The following KSR2 variants were observed in gnomAD, a reference collection of about 807,000 sequenced individuals.
The protein encoded by KSR2 is kinase suppressor of ras 2.
In KSR2, 25 loss-of-function variants were observed where a neutral mutation model predicts 107.8. The observed-to-expected ratio is 0.23, with a 90% CI of 0.17 to 0.32. The LOEUF is 0.32. KSR2 is among the 10% of genes least tolerant of loss of function. The pLI, the probability that KSR2 is intolerant of heterozygous loss-of-function variation, is 1.00. For missense variants in KSR2, 887 were observed against 1,268.9 expected, an observed-to-expected ratio of 0.70 and a Z score of 4.57; for synonymous variants, 480 against 507.0, an observed-to-expected ratio of 0.95 and a Z score of 0.71.
chr12:117,585,779 C>T (rs1444498473), intron 5 of KSR2, among the ~76,000 whole-genome samples: 1 of 152,220 alleles, frequency 6.6e-6, no homozygotes, highest in East Asian at 1.9e-4. Flanking sequence ...TGAACAAAAG[C>T]TTCTTTTCTA....
rs554455239 is a variant in KSR2 at position 117,764,727 on chromosome 12, TG to T, written c.473-3204del. On this transcript the variant is annotated intron_variant, in intron 3 of 19. Coordinates refer to ENST00000339824, the MANE Select transcript of KSR2 (RefSeq NM_173598.6). ...GAGTCAACGCTGGAGTCGGATGACT[TG>T]GGCTCCAAATCTGACTCCCCACCAC... Among the ~76,000 whole-genome samples, 8 of 152,290 alleles carry T rather than the reference TG, an allele frequency of 5.3e-5. No homozygotes were observed. In the South Asian group the frequency reaches 1.5e-3, roughly 28 times the overall value.
chr12:117,960,430 C>T (rs997973384), intron 1 of KSR2, among the ~76,000 whole-genome samples: 1 of 152,180 alleles, frequency 6.6e-6, no homozygotes, highest in Non-Finnish European at 1.5e-5. Context: ...AGGGCTTGCA[C>T]ACTGGCGCCT....
chr12:117,877,973 G>T (rs956566486), intron 1 of KSR2, among the ~76,000 whole-genome samples: 30 of 152,146 alleles, frequency 2.0e-4, no homozygotes, highest in African/African-American at 7.2e-4. Context: ...TGAGAGATGG[G>T]TTCTTTATTT....
At chr12:117,677,547 G>A (rs1340069595) in intron 4 of KSR2, among the ~76,000 whole-genome samples, 4 of 152,186 alleles carry the variant, frequency 2.6e-5, no homozygotes, top group Non-Finnish European at 5.9e-5. Context: ...TAAGCCCCTC[G>A]ATCTGTGATA....
At position 117,968,629 on chromosome 12, in the gene KSR2, G is replaced by T. The variant is rs1178236894; in HGVS notation, c.-374C>A. On this transcript the variant is annotated 5_prime_UTR_variant, in exon 1 of 20. Transcript: ENST00000339824. ...AGAGGAGAAGGAGGAGAGAGAGGAG[G>T]AGGGAGAGGAGGAGGAGGGAGAGGA... is the stretch of plus-strand genomic sequence containing the variant. 3.5e-6 allele frequency: 1 copy of T among 284,384 alleles called. No homozygotes were observed. Among genetic ancestry groups the T allele is most frequent in the South Asian group, 1.3e-4 (1 of 7,492 alleles). 17.6% of individuals were successfully genotyped at this position (284,384 alleles called of 1,614,324 possible). A position where few individuals can be genotyped will look rare whatever the true frequency, so the allele number is the denominator to read the frequency against.
In KSR2 at chr12:117,912,432, G is replaced by A. The variant is rs1405994957; in HGVS notation, c.181-52001C>T. 3.9e-5 allele frequency among the ~76,000 whole-genome samples: 6 copies of A among 152,318 alleles called. No homozygotes were observed. The South Asian group carries it at 1.2e-3, about 32-fold the overall frequency. Reference sequence around the variant, plus strand: ...TAAGACCATTTGGAACTATAGAAAAGTACAGCAGACCTTTGCCAGTAAAGA... The same window carrying A: ...TAAGACCATTTGGAACTATAGAAAAATACAGCAGACCTTTGCCAGTAAAGA... On this transcript the variant is annotated intron_variant, in intron 1 of 19. Coordinates refer to ENST00000339824, the MANE Select transcript of KSR2 (RefSeq NM_173598.6).
intron 5 of KSR2, among the ~76,000 whole-genome samples, chr12:117,593,727 C>G (rs1880462856): frequency 2.0e-5 from 3 of 152,236 alleles, no homozygotes; most frequent in Admixed American, 2.0e-4. Context: ...AAGCAGGTAC[C>G]TGGCAATAGT....
At chr12:117,938,297 G>T (rs533479269) in intron 1 of KSR2, among the ~76,000 whole-genome samples, 3 of 151,988 alleles carry the variant, frequency 2.0e-5, no homozygotes, top group Admixed American at 1.3e-4. Flanking sequence ...TGCATTTAAC[G>T]TAAAGTGGAA....
In KSR2 at chr12:117,880,937, T is replaced by C. The variant is rs866556135; in HGVS notation, c.181-20506A>G. 2.6e-4 allele frequency among the ~76,000 whole-genome samples: 39 copies of C among 151,682 alleles called. No homozygotes were observed. In the Middle Eastern group the frequency reaches 0.01, roughly 40 times the overall value. Reference sequence around the variant, plus strand: ...TGCCTGCCTCGGCCTCCCAAAGTGCTGGGATTACAGGCGTGAGCCACCATG... The same window carrying C: ...TGCCTGCCTCGGCCTCCCAAAGTGCCGGGATTACAGGCGTGAGCCACCATG... On this transcript the variant is annotated intron_variant, in intron 1 of 19. Coordinates refer to ENST00000339824, the MANE Select transcript of KSR2 (RefSeq NM_173598.6).
chr12:117,587,575 T>C (rs1210511883), intron 5 of KSR2, among the ~76,000 whole-genome samples: 1 of 152,194 alleles, frequency 6.6e-6, no homozygotes, highest in Non-Finnish European at 1.5e-5. Flanking sequence ...CTGTGTTGTT[T>C]TCAGCCGCTG....
intron 1 of KSR2, among the ~76,000 whole-genome samples, chr12:117,864,730 A>G (rs573575226): frequency 1.3e-5 from 2 of 152,358 alleles, no homozygotes; most frequent in Non-Finnish European, 1.5e-5. Context: ...CCAAACTTCA[A>G]TCTTCACATA....
At chr12:117,904,099 A>C (rs1355999242) in intron 1 of KSR2, among the ~76,000 whole-genome samples, 1 of 152,204 alleles carries the variant, frequency 6.6e-6, no homozygotes, top group Non-Finnish European at 1.5e-5. Flanking sequence ...AGTTTAAAAA[A>C]TGATTCACAC....
chr12:117,662,626 A>G (rs1419722737), intron 5 of KSR2, among the ~76,000 whole-genome samples: 1 of 152,202 alleles, frequency 6.6e-6, no homozygotes, highest in African/African-American at 2.4e-5. Flanking sequence ...AATATTCCAT[A>G]AGACCCAGGC....
intron 5 of KSR2, among the ~76,000 whole-genome samples, chr12:117,585,593 T>C (rs898182352): frequency 6.6e-6 from 1 of 152,188 alleles, no homozygotes; most frequent in Non-Finnish European, 1.5e-5. Flanking sequence ...TGGATTTTAT[T>C]AAACTTGCCA....
chr12:117,609,734 G>T (rs1881487608), intron 5 of KSR2, among the ~76,000 whole-genome samples: 1 of 152,170 alleles, frequency 6.6e-6, no homozygotes, highest in Non-Finnish European at 1.5e-5. Context: ...AGCGATGTTT[G>T]GGGCTGGATG....
chr12:117,849,625 T>C (rs1479407570), intron 3 of KSR2, among the ~76,000 whole-genome samples: 1 of 152,106 alleles, frequency 6.6e-6, no homozygotes, highest in African/African-American at 2.4e-5. Context: ...AATAAAGATA[T>C]CCCTAAAACC....
intron 1 of KSR2, among the ~76,000 whole-genome samples, chr12:117,964,168 T>C (rs1481250797): frequency 1.3e-5 from 2 of 151,974 alleles, no homozygotes; most frequent in South Asian, 2.1e-4. Context: ...ATCCCAGCTA[T>C]TTGGGAGGCT....
At chr12:117,638,741 A>G (rs1250614254) in intron 5 of KSR2, among the ~76,000 whole-genome samples, 1 of 152,110 alleles carries the variant, frequency 6.6e-6, no homozygotes, top group Non-Finnish European at 1.5e-5. Flanking sequence ...AGCTTGTGAT[A>G]TTCGATTTCT....
chr12:117,769,690 G>A (rs774798499), intron 3 of KSR2, among the ~76,000 whole-genome samples: 1 of 152,174 alleles, frequency 6.6e-6, no homozygotes. Context: ...TTCACAGAAC[G>A]CCACTGAGGA....
Sources: gnomAD v4.1 joint callset for allele counts (sites outside exome capture counted in the v4.1 genomes callset) on GRCh38, gnomAD v4.1.1 for gene constraint, MANE v1.5 for transcripts, NCBI Gene and HGNC (gene_info 2026-07-23, HGNC 2026-07-21) for gene names.